The following TENM3 variants were observed in gnomAD, a reference collection of about 807,000 sequenced individuals.
TENM3 encodes teneurin transmembrane protein 3, also known as teneurin-3.
A neutral mutation model predicts 255.1 loss-of-function variants in TENM3; 63 were observed. That is an observed-to-expected ratio of 0.25 (90% CI 0.20 to 0.30). The LOEUF is 0.30. Among genes scored for constraint, TENM3 ranks in the 10% least tolerant of loss-of-function variants. The pLI, the probability that TENM3 is intolerant of heterozygous loss-of-function variation, is 1.00. For missense variants in TENM3, 2,929 were observed against 3,461.1 expected (o/e 0.85, Z 3.86); for synonymous variants, 1,306 against 1,322.3 (o/e 0.99, Z 0.27).
chr4:181,847,210 A>G, the TENM3 span, among the ~76,000 whole-genome samples: 1 of 152,242 alleles, frequency 6.6e-6, no homozygotes, highest in Non-Finnish European at 1.5e-5. Flanking sequence ...AGAGAATACA[A>G]GTGAATTAGT....
chr4:182,533,289 G>T (rs546864321), intron 3 of TENM3, among the ~76,000 whole-genome samples: 5 of 152,246 alleles, frequency 3.3e-5, no homozygotes, highest in African/African-American at 1.2e-4. Flanking sequence ...GGTGGCTCAT[G>T]CCTGTAGTCC....
chr4:181,749,303 A>G, the TENM3 span, among the ~76,000 whole-genome samples: 3 of 152,140 alleles, frequency 2.0e-5, no homozygotes, highest in African/African-American at 7.2e-5. Context: ...CATCTTGCAG[A>G]AAGAACTTGG....
the TENM3 span, among the ~76,000 whole-genome samples, chr4:181,653,394 TTTTG>T: frequency 0.047 from 7,190 of 151,412 alleles, 213 homozygotes; most frequent in South Asian, 0.1. Flanking sequence ...CATTGTTTTG[TTTTG>T]TTTGTTTGTT....
At chr4:182,301,627 C>T (rs1012235670) in intron 1 of TENM3, among the ~76,000 whole-genome samples, 1 of 152,152 alleles carries the variant, frequency 6.6e-6, no homozygotes, top group African/African-American at 2.4e-5. Flanking sequence ...AGGAGAGAAG[C>T]CTCTTGTGAC....
chr4:182,272,052 G>A (rs143590382), intron 1 of TENM3, among the ~76,000 whole-genome samples: 48 of 152,264 alleles, frequency 3.2e-4, no homozygotes, highest in African/African-American at 1.1e-3. Flanking sequence ...AAAATATAGG[G>A]TGAATTATTG....
intron 3 of TENM3, among the ~76,000 whole-genome samples, chr4:182,520,953 A>G (rs947802483): frequency 1.3e-5 from 2 of 152,160 alleles, no homozygotes; most frequent in African/African-American, 2.4e-5. Flanking sequence ...TGGGAATAAT[A>G]GAAAATCTCC....
the TENM3 span, among the ~76,000 whole-genome samples, chr4:181,531,691 A>T: frequency 6.6e-6 from 1 of 152,230 alleles, no homozygotes; most frequent in Non-Finnish European, 1.5e-5. Flanking sequence ...CAAATGTTCA[A>T]TGCTGTAAAG....
chr4:181,500,531 T>C, the TENM3 span, among the ~76,000 whole-genome samples: 55 of 152,182 alleles, frequency 3.6e-4, no homozygotes, highest in African/African-American at 1.2e-3. Flanking sequence ...GTTCATACAA[T>C]TGAGATGCTT....
chr4:182,598,364 C>T (rs1560982384), intron 3 of TENM3, among the ~76,000 whole-genome samples: 3 of 152,156 alleles, frequency 2.0e-5, no homozygotes, highest in Non-Finnish European at 2.9e-5. Flanking sequence ...CAGCACACTG[C>T]TGCACTAGCC....
At chr4:181,641,745 A>C in the TENM3 span, among the ~76,000 whole-genome samples, 2 of 120,784 alleles carry the variant, frequency 1.7e-5, no homozygotes, top group Admixed American at 9.7e-5. Flanking sequence ...ATATATATAA[A>C]ATACCATGGT....
At chr4:181,996,435 C>T in the TENM3 span, among the ~76,000 whole-genome samples, 7 of 152,168 alleles carry the variant, frequency 4.6e-5, no homozygotes, top group East Asian at 1.4e-3. Context: ...CACAAGGACT[C>T]TGAGAGCCCA....
chr4:182,170,050 T>C (rs13126808), intron 1 of TENM3, among the ~76,000 whole-genome samples: 90,922 of 149,550 alleles, frequency 0.61, 28,112 homozygotes, highest in Non-Finnish European at 0.68. Context: ...GCATACTAGA[T>C]CGCAACTGAT....
intron 3 of TENM3, among the ~76,000 whole-genome samples, chr4:182,559,032 G>A (rs1003638914): frequency 6.6e-6 from 1 of 151,764 alleles, no homozygotes; most frequent in Non-Finnish European, 1.5e-5. Context: ...TGTCAGCTGT[G>A]ACCACTGAGT....
At chr4:181,790,718 A>G in the TENM3 span, among the ~76,000 whole-genome samples, 1 of 152,228 alleles carries the variant, frequency 6.6e-6, no homozygotes, top group South Asian at 2.1e-4. Flanking sequence ...ACAAGTAAAC[A>G]TTCAGAGGCG....
At chr4:182,098,953 CTCTTTTTT>C in the TENM3 span, among the ~76,000 whole-genome samples, 3 of 129,696 alleles carry the variant, frequency 2.3e-5, no homozygotes, top group South Asian at 2.4e-4. Context: ...ATGTGCACAA[CTCTTTTTT>C]TCTTTTTTTT....
At chr4:181,529,477 T>C in the TENM3 span, among the ~76,000 whole-genome samples, 26 of 152,206 alleles carry the variant, frequency 1.7e-4, no homozygotes, top group Admixed American at 1.6e-3. Context: ...ATGTGGGTAA[T>C]GTAAATACTA....
rs1751062047 is a variant in TENM3, at chr4:182,628,688, C to G, written c.787C>G (p.Leu263Val). Reference protein sequence around the residue: ...LFKTGTGTTPLFSTATPGYTM... With the variant: ...LFKTGTGTTPVFSTATPGYTM... ...CAAAACAGGAACAGGTACAACGCCA[C>G]TGTTCAGTACTGCAACCCCAGGATA... Residue 263 changes from leucine to valine, a missense_variant, in exon 5 of 28, where the codon CTG (leucine) becomes GTG (valine). By Grantham distance (32) the Leu-to-Val change is conservative. Transcript: ENST00000511685. 1 of 1,603,594 alleles carries G rather than the reference C, an allele frequency of 6.2e-7. No homozygotes were observed.
At chr4:181,552,662 GA>G in the TENM3 span, among the ~76,000 whole-genome samples, 1 of 152,138 alleles carries the variant, frequency 6.6e-6, no homozygotes, top group Non-Finnish European at 1.5e-5. Context: ...TTACTGGGGG[GA>G]AAATGGGCTT....
intron 1 of TENM3, among the ~76,000 whole-genome samples, chr4:182,153,391 C>T (rs989658850): frequency 1.3e-5 from 2 of 151,982 alleles, no homozygotes; most frequent in Non-Finnish European, 2.9e-5. Flanking sequence ...AATGCATTTG[C>T]AAAACAAGTG....
Sources: gnomAD v4.1 joint callset for allele counts (sites outside exome capture counted in the v4.1 genomes callset) on GRCh38, gnomAD v4.1.1 for gene constraint, MANE v1.5 for transcripts, NCBI Gene and HGNC (gene_info 2026-07-23, HGNC 2026-07-21) for gene names.